PGBD5: variants seen among roughly 807,000 people sequenced by gnomAD.
PGBD5 encodes piggyBac transposable element derived 5.
A neutral mutation model predicts 47.9 loss-of-function variants in PGBD5; 14 were observed. The ratio of observed to expected loss-of-function variants is 0.29; its 90% CI spans 0.19 to 0.46. PGBD5 has a LOEUF of 0.46. Ranked by LOEUF, PGBD5 falls within the 20% of genes least tolerant of loss-of-function variation. PGBD5 has a pLI of 1.00. For synonymous variants in PGBD5, 316 were observed against 306.3 expected (o/e 1.03, Z -0.33); for missense variants, 635 against 716.0 (o/e 0.89, Z 1.29).
At position 230,356,883 on chromosome 1, in the gene PGBD5, G is replaced by A. The variant is rs754751947; in HGVS notation, c.759+11C>T. Reference sequence around the variant, plus strand: ...ACCTGGACAAGCTCTTACGTCCTGCGTGGGCCTCACCTGGGTTTGGGAAGG... The same window carrying A: ...ACCTGGACAAGCTCTTACGTCCTGCATGGGCCTCACCTGGGTTTGGGAAGG... On this transcript the variant is annotated intron_variant, in intron 2 of 6. Coordinates refer to ENST00000391860, the MANE Select transcript of PGBD5 (RefSeq NM_001258311.2). 6 of 1,610,214 alleles carry A rather than the reference G, an allele frequency of 3.7e-6. No homozygotes were observed. Among genetic ancestry groups the A allele is most frequent in the African/African-American group, 1.3e-5 (1 of 74,870 alleles).
rs1428123772 is a variant in PGBD5, at chr1:230,321,947, T to C, written c.*1478A>G. On this transcript the variant is annotated 3_prime_UTR_variant, in exon 7 of 7. Coordinates refer to ENST00000391860, the MANE Select transcript of PGBD5 (RefSeq NM_001258311.2). ...CATGATCTAGAGCACAGGAGCCACG[T>C]GGGGCCCGGAGCATGCGGACAGCAA... 6.6e-6 allele frequency: 1 copy of C among 152,504 alleles called. No homozygotes were observed. Among genetic ancestry groups the C allele is most frequent in the Non-Finnish European group, 1.5e-5 (1 of 68,032 alleles). The allele number at this position is 152,504 out of a possible 1,614,324, so 9.4% of individuals were successfully genotyped here.
intron 1 of PGBD5, among the ~76,000 whole-genome samples, chr1:230,379,390 C>A (rs1311045181): frequency 6.6e-6 from 1 of 152,192 alleles, no homozygotes; most frequent in Non-Finnish European, 1.5e-5. Context: ...CACCAGGTCC[C>A]CTCAGGATCT....
chr1:230,324,499 A>G (rs1667085629), intron 6 of PGBD5, among the ~76,000 whole-genome samples: 1 of 152,178 alleles, frequency 6.6e-6, no homozygotes, highest in Non-Finnish European at 1.5e-5. Flanking sequence ...TACCTTTCAC[A>G]CACAGGCTGA....
chr1:230,357,560 G>A lies in PGBD5; in HGVS notation c.332-239C>T, dbSNP rs920008787. 1.3e-5 allele frequency among the ~76,000 whole-genome samples: 2 copies of A among 152,192 alleles called. No homozygotes were observed. Among genetic ancestry groups the A allele is most frequent in the Non-Finnish European group, 1.5e-5 (1 of 68,048 alleles). On this transcript the variant is annotated intron_variant, in intron 1 of 6. Transcript: ENST00000391860. This position sits in a 1 kb window ranked among gnomAD's most constrained non-coding sequence, Gnocchi z 5.7. Reference sequence around the variant, plus strand: ...GCCAGCTCTCCTGCTGTGTGTGTGGGAGCGCAGCTCCTCCCAGACACCACA... The same window carrying A: ...GCCAGCTCTCCTGCTGTGTGTGTGGAAGCGCAGCTCCTCCCAGACACCACA...
chr1:230,387,503 C>G (rs141568333), intron 1 of PGBD5, among the ~76,000 whole-genome samples: 34 of 152,340 alleles, frequency 2.2e-4, no homozygotes, highest in Non-Finnish European at 4.7e-4. Context: ...GGAGGCCAGG[C>G]TGGGGGGAGG....
intron 1 of PGBD5, among the ~76,000 whole-genome samples, chr1:230,399,531 C>A (rs1657082720): frequency 6.6e-6 from 1 of 152,186 alleles, no homozygotes; most frequent in African/African-American, 2.4e-5. Context: ...CAGGAGAAGG[C>A]AGGTACATGC....
At chr1:230,364,516 G>A (rs908348193) in intron 1 of PGBD5, among the ~76,000 whole-genome samples, 4 of 152,234 alleles carry the variant, frequency 2.6e-5, no homozygotes, top group Non-Finnish European at 5.9e-5. Context: ...AAGCAGCAGG[G>A]CTTTCTTGTT....
chr1:230,345,683 T>C (rs965262560), intron 3 of PGBD5, among the ~76,000 whole-genome samples: 1 of 152,248 alleles, frequency 6.6e-6, no homozygotes, highest in African/African-American at 2.4e-5. Flanking sequence ...TGGCTAGTGA[T>C]ATGCTGTGCA....
intron 1 of PGBD5, among the ~76,000 whole-genome samples, chr1:230,408,835 C>T (rs1343905729): frequency 6.6e-6 from 1 of 151,952 alleles, no homozygotes; most frequent in Non-Finnish European, 1.5e-5. Context: ...AAACAAGCAA[C>T]CAGAGAAAAA....
chr1:230,333,778 T>C (rs1667259629), intron 4 of PGBD5, among the ~76,000 whole-genome samples: 1 of 152,234 alleles, frequency 6.6e-6, no homozygotes, highest in Non-Finnish European at 1.5e-5. Context: ...AGCTCGGTCT[T>C]TCAGGCCTGG....
intron 1 of PGBD5, among the ~76,000 whole-genome samples, chr1:230,395,944 TTTTA>T (rs1571857627): frequency 2.0e-5 from 1 of 48,846 alleles, no homozygotes; most frequent in Non-Finnish European, 3.5e-5. Flanking sequence ...AGCTCCTCCC[TTTTA>T]CTTCCCACCC....
At chr1:230,417,891 T>C (rs1274310702) in intron 1 of PGBD5, among the ~76,000 whole-genome samples, 1 of 152,228 alleles carries the variant, frequency 6.6e-6, no homozygotes, top group Non-Finnish European at 1.5e-5. Flanking sequence ...CCATTGCTGG[T>C]GGGAGTGTAA....
At chr1:230,365,443 T>G (rs2632578) in intron 1 of PGBD5, among the ~76,000 whole-genome samples, 97,006 of 152,038 alleles carry the variant, frequency 0.64, 32,175 homozygotes, top group Non-Finnish European at 0.74. Flanking sequence ...ATGTACCAAC[T>G]ATTTAAAGGC....
rs1667593718 is a variant in PGBD5, at chr1:230,353,740, A to C, written c.760-2648T>G. ...CAACTGGTGTCTGCAGGCAGAGACAATGACCCTCCAAGAAAGCCCTGAGGC... is the reference window on the plus strand; with the variant it reads ...CAACTGGTGTCTGCAGGCAGAGACACTGACCCTCCAAGAAAGCCCTGAGGC... On this transcript the variant is annotated intron_variant, in intron 2 of 6. Coordinates refer to ENST00000391860, the MANE Select transcript of PGBD5 (RefSeq NM_001258311.2). Among the ~76,000 whole-genome samples, 11 of 152,190 alleles carry C rather than the reference A, an allele frequency of 7.2e-5. No individual in the cohort carries two copies. In the South Asian group the frequency reaches 2.3e-3, roughly 31 times the overall value.
At chr1:230,334,605 T>TC (rs1553281831) in intron 4 of PGBD5, among the ~76,000 whole-genome samples, 235 of 152,048 alleles carry the variant, frequency 1.5e-3, no homozygotes, top group African/African-American at 5.5e-3. Context: ...TCCCCCAGGG[T>TC]GGGGGGACAG....
intron 1 of PGBD5, among the ~76,000 whole-genome samples, chr1:230,372,197 G>T (rs1667939448): frequency 6.6e-6 from 1 of 152,216 alleles, no homozygotes; most frequent in African/African-American, 2.4e-5. Context: ...GAAGCAAGGT[G>T]CTCTGCAGCT....
intron 1 of PGBD5, chr1:230,377,577 G>C: frequency 6.2e-7 from 1 of 1,600,504 alleles, no homozygotes; most frequent in Non-Finnish European, 8.5e-7. Context: ...CAGAGTCCCC[G>C]AGAGTACTTT....
At chr1:230,392,449 G>C (rs971541398) in intron 1 of PGBD5, among the ~76,000 whole-genome samples, 1 of 152,200 alleles carries the variant, frequency 6.6e-6, no homozygotes, top group Admixed American at 6.5e-5. Flanking sequence ...GCCTTCAGAT[G>C]TCAGTTCATT....
rs989602776 is a variant in PGBD5, at chr1:230,393,032, G to C, written c.331+32566C>G. Among the ~76,000 whole-genome samples the C allele has an allele frequency of 1.1e-4, 17 of 150,422 alleles. No homozygotes were observed. In the Middle Eastern group the frequency reaches 0.01, roughly 91 times the overall value. Reference sequence around the variant, plus strand: ...ATCAGGGAAAAGGAAAGGGGGAGAGGGAGAAAGGAAGGAAAAGAGGAGAGG... The same window carrying C: ...ATCAGGGAAAAGGAAAGGGGGAGAGCGAGAAAGGAAGGAAAAGAGGAGAGG... On this transcript the variant is annotated intron_variant, in intron 1 of 6. Coordinates refer to ENST00000391860, the MANE Select transcript of PGBD5 (RefSeq NM_001258311.2).
Sources: gnomAD v4.1 joint callset for allele counts (sites outside exome capture counted in the v4.1 genomes callset) on GRCh38, gnomAD v4.1.1 for gene constraint, Gnocchi (gnomAD v3.1) non-coding constraint, MANE v1.5 for transcripts, NCBI Gene and HGNC (gene_info 2026-07-23, HGNC 2026-07-21) for gene names.